The following CDH13 variants were observed in gnomAD, a reference collection of about 807,000 sequenced individuals.
CDH13 encodes the protein cadherin-13.
A neutral mutation model predicts 63.8 loss-of-function variants in CDH13; 24 were observed. The ratio of observed to expected loss-of-function variants is 0.38; its 90% CI spans 0.27 to 0.53. The LOEUF (loss-of-function observed/expected upper bound fraction) is 0.53, where lower values mean the gene tolerates loss of function less well. Among genes scored for constraint, CDH13 ranks in the 20% least tolerant of loss-of-function variants. The pLI, the probability that CDH13 is intolerant of heterozygous loss-of-function variation, is 0.85. For missense variants in CDH13, 1,049 were observed against 903.1 expected (o/e 1.16, Z -2.07); for synonymous variants, 503 against 355.3 (o/e 1.42, Z -4.67).
chr16:83,511,870 G>T (rs1166145322), intron 7 of CDH13, among the ~76,000 whole-genome samples: 1 of 152,152 alleles, frequency 6.6e-6, no homozygotes, highest in Non-Finnish European at 1.5e-5. Flanking sequence ...TCCCTTCCTA[G>T]CTTTGAGGCC....
chr16:83,659,149 C>T (rs1276194078), intron 8 of CDH13, among the ~76,000 whole-genome samples: 7 of 149,888 alleles, frequency 4.7e-5, no homozygotes, highest in South Asian at 2.1e-4. Flanking sequence ...CCAGCAAGGT[C>T]CCATGTCCTC....
chr16:82,882,879 A>T (rs146425263), intron 2 of CDH13, among the ~76,000 whole-genome samples: 4 of 152,302 alleles, frequency 2.6e-5, no homozygotes, highest in Non-Finnish European at 5.9e-5. Flanking sequence ...AAAGGATACT[A>T]TGATTTTCTT....
chr16:83,540,709 G>A (rs144230226), intron 7 of CDH13, among the ~76,000 whole-genome samples: 261 of 152,328 alleles, frequency 1.7e-3, no homozygotes, highest in African/African-American at 5.9e-3. Flanking sequence ...AGTAACAGTA[G>A]TAACTGTTGT....
At chr16:83,665,582 T>G (rs1297717887) in intron 8 of CDH13, among the ~76,000 whole-genome samples, 1 of 152,236 alleles carries the variant, frequency 6.6e-6, no homozygotes, top group Admixed American at 6.5e-5. Flanking sequence ...CCCTATAATT[T>G]TTTTAAGCTA....
chr16:83,496,077 A>T (rs1055616065), intron 7 of CDH13, among the ~76,000 whole-genome samples: 7 of 151,766 alleles, frequency 4.6e-5, no homozygotes, highest in Non-Finnish European at 1.0e-4. Context: ...GAAAATGGCC[A>T]TACTGCCCAA....
intron 3 of CDH13, among the ~76,000 whole-genome samples, chr16:83,102,948 CTTTT>C (rs71148813): frequency 1.4e-5 from 1 of 69,026 alleles, no homozygotes; most frequent in Non-Finnish European, 2.5e-5. Context: ...TTTTCTTTTT[CTTTT>C]TTTTTTTTTT....
intron 1 of CDH13, among the ~76,000 whole-genome samples, chr16:82,653,995 T>C (rs1404271603): frequency 6.6e-6 from 1 of 152,122 alleles, no homozygotes; most frequent in Non-Finnish European, 1.5e-5. Flanking sequence ...GAAATCAGGT[T>C]TCTTCCAGCC....
At chr16:82,825,538 A>AC (rs1178124324) in intron 1 of CDH13, 8 of 138,550 alleles carry the variant, frequency 5.8e-5, no homozygotes, top group African/African-American at 2.1e-4. Flanking sequence ...AACAATATTA[A>AC]CTTTTTTTTT....
chr16:83,520,012 AG>A (rs1464490637), intron 7 of CDH13, among the ~76,000 whole-genome samples: 1 of 152,200 alleles, frequency 6.6e-6, no homozygotes, highest in East Asian at 1.9e-4. Context: ...GAAAAGGGCT[AG>A]GCCTGGGTAA....
chr16:83,682,391 G>A (rs1049389799), intron 10 of CDH13, among the ~76,000 whole-genome samples: 4 of 152,074 alleles, frequency 2.6e-5, no homozygotes, highest in African/African-American at 4.8e-5. Flanking sequence ...TTCATAAGTC[G>A]CATGTCTCTT....
At position 83,427,213 on chromosome 16, in the gene CDH13, C is replaced by T. The variant is rs1051550288; in HGVS notation, c.782-59264C>T. Reference sequence around the variant, plus strand: ...ACAGGTGTGAGCCACCGCGCCCGGCCTAAATATGTTTCTTACATGGTCAAA... The same window carrying T: ...ACAGGTGTGAGCCACCGCGCCCGGCTTAAATATGTTTCTTACATGGTCAAA... On this transcript the variant is annotated intron_variant, in intron 6 of 13. Coordinates refer to ENST00000567109, the MANE Select transcript of CDH13 (RefSeq NM_001257.5). 8.5e-5 allele frequency among the ~76,000 whole-genome samples: 13 copies of T among 152,116 alleles called. No homozygotes were observed. In the East Asian group the frequency reaches 2.1e-3, roughly 25 times the overall value.
intron 7 of CDH13, among the ~76,000 whole-genome samples, chr16:83,565,064 C>G (rs1408015793): frequency 6.6e-6 from 1 of 152,204 alleles, no homozygotes; most frequent in Non-Finnish European, 1.5e-5. Context: ...TTGAGTCTCT[C>G]CCTGCATCAC....
At chr16:82,630,008 G>A (rs568019115) in intron 1 of CDH13, among the ~76,000 whole-genome samples, 8 of 152,160 alleles carry the variant, frequency 5.3e-5, no homozygotes, top group Admixed American at 1.3e-4. Flanking sequence ...GAGGACAGTC[G>A]CTTGGGAGTG....
chr16:83,548,060 C>T (rs775510587), intron 7 of CDH13, among the ~76,000 whole-genome samples: 1 of 151,788 alleles, frequency 6.6e-6, no homozygotes, highest in Non-Finnish European at 1.5e-5. Flanking sequence ...GGAATTATCA[C>T]CTGGGCTGCT....
At chr16:82,706,114 CCT>C (rs1372956524) in intron 1 of CDH13, among the ~76,000 whole-genome samples, 3 of 152,014 alleles carry the variant, frequency 2.0e-5, no homozygotes, top group Non-Finnish European at 4.4e-5. Flanking sequence ...CTCACTCCTC[CCT>C]TCTCTCCTCC....
At chr16:82,716,959 C>G (rs895050227) in intron 1 of CDH13, among the ~76,000 whole-genome samples, 1 of 151,966 alleles carries the variant, frequency 6.6e-6, no homozygotes, top group African/African-American at 2.4e-5. Flanking sequence ...CAATTAGAGA[C>G]TTAGAGATTC....
chr16:83,635,332 C>CTT lies in CDH13; in HGVS notation c.1101+32766_1101+32767dup, dbSNP rs71148847. ...ACTTTAACTTTTGCCCATTTTCTTT[C>CTT]TTTTTTTTTTTTTTTTTTTTTTTTT... is the stretch of plus-strand genomic sequence containing the variant. On this transcript the variant is annotated intron_variant, in intron 8 of 13. Coordinates refer to ENST00000567109, the MANE Select transcript of CDH13 (RefSeq NM_001257.5). 7.7e-4 allele frequency among the ~76,000 whole-genome samples: 36 copies of CTT among 46,732 alleles called. 2 individuals carry two copies. Among genetic ancestry groups the CTT allele is most frequent in the Middle Eastern group, 0.033 (1 of 30 alleles). The allele number at this position is 46,732 out of a possible 152,430, so 30.7% of individuals were successfully genotyped here. A position where few individuals can be genotyped will look rare whatever the true frequency, so the allele number is the denominator to read the frequency against.
chr16:83,723,584 A>T (rs1909975298), intron 10 of CDH13, among the ~76,000 whole-genome samples: 1 of 152,180 alleles, frequency 6.6e-6, no homozygotes, highest in Admixed American at 6.5e-5. Flanking sequence ...TTCGCTAAAG[A>T]AGCCCTCCTC....
chr16:82,693,346 G>C (rs1915816443), intron 1 of CDH13, among the ~76,000 whole-genome samples: 1 of 152,150 alleles, frequency 6.6e-6, no homozygotes. Context: ...CTAGGCTTGG[G>C]TATCATCAAA....
Sources: allele counts gnomAD v4.1 joint callset (sites outside exome capture counted in the v4.1 genomes callset), GRCh38; gene constraint gnomAD v4.1.1; transcripts MANE v1.5; gene names NCBI Gene and HGNC (gene_info 2026-07-23, HGNC 2026-07-21).